EPS15L1: variants seen among roughly 807,000 people sequenced by gnomAD.
EPS15L1 encodes the protein epidermal growth factor receptor pathway substrate 15 like 1.
A neutral mutation model predicts 117.1 loss-of-function variants in EPS15L1; 43 were observed. That is an observed-to-expected ratio of 0.37 (90% CI 0.29 to 0.47). EPS15L1 has a LOEUF of 0.47. EPS15L1 is among the 20% of genes least tolerant of loss of function. EPS15L1 has a pLI of 0.99. For synonymous variants in EPS15L1, 459 were observed against 470.5 expected, an observed-to-expected ratio of 0.98 and a Z score of 0.32; for missense variants, 981 against 1,164.0, an observed-to-expected ratio of 0.84 and a Z score of 2.29.
At chr19:16,442,376 A>T (rs960571085) in intron 1 of EPS15L1, among the ~76,000 whole-genome samples, 157 bp from the exon 2 acceptor site, 8 of 152,254 alleles carry the variant, frequency 5.3e-5, no homozygotes, top group Admixed American at 3.3e-4. Context: ...AATTCAGTTT[A>T]TCTTCAGACA....
chr19:16,465,984 CTA>C (rs1400709594), intron 1 of EPS15L1, among the ~76,000 whole-genome samples: 37 of 145,192 alleles, frequency 2.5e-4, no homozygotes, highest in African/African-American at 9.3e-4. Context: ...CTCACTTTAT[CTA>C]TTTTTTTTTT....
At chr19:16,436,200 TG>T (rs2092976717) in intron 6 of EPS15L1, among the ~76,000 whole-genome samples, 1 of 152,166 alleles carries the variant, frequency 6.6e-6, no homozygotes, top group African/African-American at 2.4e-5. Context: ...CGAAAGTGCT[TG>T]GGACCTTTAT....
intron 4 of EPS15L1, among the ~76,000 whole-genome samples, chr19:16,440,247 A>C (rs1260065278): frequency 1.3e-5 from 2 of 152,076 alleles, no homozygotes; most frequent in African/African-American, 4.8e-5. Context: ...AGCCTGGCCA[A>C]GATAGTGAAA....
At chr19:16,369,181 C>T (rs1175120494) in intron 22 of EPS15L1, among the ~76,000 whole-genome samples, 1 of 152,174 alleles carries the variant, frequency 6.6e-6, no homozygotes, top group Non-Finnish European at 1.5e-5. Flanking sequence ...CGTAAGGGAC[C>T]TGCAGGCTGG....
At chr19:16,384,691 G>C (rs909429192) in intron 21 of EPS15L1, among the ~76,000 whole-genome samples, 1 of 152,138 alleles carries the variant, frequency 6.6e-6, no homozygotes. Flanking sequence ...CAAGGAGGCC[G>C]GCCCTCACTT....
At chr19:16,358,478 C>T (rs1047514252) in intron 23 of EPS15L1, among the ~76,000 whole-genome samples, 1 of 152,214 alleles carries the variant, frequency 6.6e-6, no homozygotes, top group African/African-American at 2.4e-5. Flanking sequence ...CCAATAGTGG[C>T]TGGGAAACAC....
rs775033962 is a variant in EPS15L1 at position 16,418,218 on chromosome 19, G to A, written c.951-114C>T. ...ACAGCGACGAAAACAACGGCAGGGC[G>A]TGGTGGCAAGCCCCAGCTCCTTCCC... On this transcript the variant is annotated intron_variant, in intron 10 of 23. Coordinates refer to ENST00000455140, the MANE Select transcript of EPS15L1 (RefSeq NM_001258374.3). 2.3e-5 allele frequency: 28 copies of A among 1,203,470 alleles called. No individual in the cohort carries two copies. In the East Asian group the frequency reaches 2.4e-4, roughly 10 times the overall value. The allele number at this position is 1,203,470 out of a possible 1,614,324, so 74.5% of individuals were successfully genotyped here.
intron 9 of EPS15L1, among the ~76,000 whole-genome samples, chr19:16,423,018 G>T (rs1461612381): frequency 6.6e-6 from 1 of 152,008 alleles, no homozygotes; most frequent in Non-Finnish European, 1.5e-5. Context: ...ACAACCCGAA[G>T]ATGTCCATAG....
intron 21 of EPS15L1, 22 bp downstream of exon 21, chr19:16,385,107 G>A: frequency 1.9e-6 from 3 of 1,604,302 alleles, no homozygotes; most frequent in Non-Finnish European, 2.6e-6. Flanking sequence ...AGAGGCGCGG[G>A]GGCTCCGTGG....
intron 8 of EPS15L1, among the ~76,000 whole-genome samples, chr19:16,426,644 CAG>C: frequency 6.6e-6 from 1 of 152,026 alleles, no homozygotes; most frequent in African/African-American, 2.4e-5. Context: ...CTCTCAAAAA[CAG>C]AACAACGACA....
rs2092245984 is a variant in EPS15L1 at position 16,372,993 on chromosome 19, AAACCTC to A, written c.2380+4123_2380+4128del. Among the ~76,000 whole-genome samples the A allele has an allele frequency of 2.0e-5, 3 of 152,242 alleles. No homozygotes were observed. The South Asian group carries it at 6.2e-4, about 32-fold the overall frequency. ...GCACAGAGGCCTAGCAGGGTTCTAG[AAACCTC>A]TGGGTGCCCTGGGATGGACAAACCC... On this transcript the variant is annotated intron_variant, in intron 22 of 23. Coordinates refer to ENST00000455140, the MANE Select transcript of EPS15L1 (RefSeq NM_001258374.3).
intron 15 of EPS15L1, 48 bp downstream of exon 15, chr19:16,403,685 G>A (rs373840006): frequency 1.5e-5 from 24 of 1,561,140 alleles, no homozygotes; most frequent in African/African-American, 9.5e-5. Flanking sequence ...CGGCTCTTGG[G>A]GCTCGCTGGT....
rs372409006 is a variant in EPS15L1 at position 16,452,860 on chromosome 19, G to A, written c.34-10641C>T. Among the ~76,000 whole-genome samples, 411 of 151,916 alleles carry A rather than the reference G, an allele frequency of 2.7e-3. 2 individuals are homozygous for A. Among genetic ancestry groups the A allele is most frequent in the African/African-American group, 9.4e-3 (390 of 41,426 alleles). ...CCCCCAAGCTGGAGCGCAGTGGCAC[G>A]ATCTTGGCTCACTGCAAGCTCCGCC... is the stretch of plus-strand genomic sequence containing the variant. On this transcript the variant is annotated intron_variant, in intron 1 of 23. Coordinates refer to ENST00000455140, the MANE Select transcript of EPS15L1 (RefSeq NM_001258374.3).
chr19:16,401,847 CA>C, intron 16 of EPS15L1: 2 of 987,320 alleles, frequency 2.0e-6, no homozygotes, highest in Non-Finnish European at 2.4e-6. Context: ...CGCTGCTTGC[CA>C]TTACTTCCTC....
At chr19:16,460,032 T>C (rs1162935642) in intron 1 of EPS15L1, among the ~76,000 whole-genome samples, 1 of 152,154 alleles carries the variant, frequency 6.6e-6, no homozygotes, top group Non-Finnish European at 1.5e-5. Flanking sequence ...TCCCAACACT[T>C]TGGAGATTAA....
At chr19:16,407,364 G>A (rs549899599) in intron 13 of EPS15L1, among the ~76,000 whole-genome samples, 6 of 152,178 alleles carry the variant, frequency 3.9e-5, no homozygotes, top group East Asian at 1.9e-4. Flanking sequence ...GGAGTGCAGC[G>A]GTGCAGTCTC....
At chr19:16,463,361 A>C (rs926048202) in intron 1 of EPS15L1, among the ~76,000 whole-genome samples, 1 of 151,766 alleles carries the variant, frequency 6.6e-6, no homozygotes, top group South Asian at 2.1e-4. Context: ...ACCTGTCCAA[A>C]CAGCTACCCC....
In EPS15L1 at chr19:16,370,498, G is replaced by A. The variant is rs1170085097; in HGVS notation, c.2380+6624C>T. Among the ~76,000 whole-genome samples the A allele has an allele frequency of 2.0e-5, 3 of 152,018 alleles. No individual in the cohort carries two copies. Among genetic ancestry groups the A allele is most frequent in the Non-Finnish European group, 2.9e-5 (2 of 67,968 alleles). On this transcript the variant is annotated intron_variant, in intron 22 of 23. Coordinates refer to ENST00000455140, the MANE Select transcript of EPS15L1 (RefSeq NM_001258374.3). The surrounding 1 kb of genome is among the most constrained non-coding windows in gnomAD (Gnocchi z 5.2). ...CACCTATACTCAGATGCTGGGGTGG[G>A]AGCCCAGCCACTCTAGGCCTGCACC...
intron 22 of EPS15L1, among the ~76,000 whole-genome samples, chr19:16,373,596 C>A (rs1023310058): frequency 6.6e-6 from 1 of 152,146 alleles, no homozygotes; most frequent in Non-Finnish European, 1.5e-5. Flanking sequence ...CACGACTTCA[C>A]CCGACACTCA....
Sources: gnomAD v4.1 joint callset for allele counts (sites outside exome capture counted in the v4.1 genomes callset) on GRCh38, gnomAD v4.1.1 for gene constraint, Gnocchi (gnomAD v3.1) non-coding constraint, MANE v1.5 for transcripts, NCBI Gene and HGNC (gene_info 2026-07-23, HGNC 2026-07-21) for gene names.